The following XKR9 variants were observed in gnomAD, a reference collection of about 807,000 sequenced individuals.
The protein encoded by XKR9 is XK-related protein 9.
A neutral mutation model predicts 32.0 loss-of-function variants in XKR9; 32 were observed. That is an observed-to-expected ratio of 1.00 (90% CI 0.76 to 1.34). The LOEUF is 1.34. XKR9 is among the 40% of genes most tolerant of loss of function. XKR9 has a pLI of 0.00. For missense variants in XKR9, 546 were observed against 429.7 expected (o/e 1.27, Z -2.39); for synonymous variants, 168 against 143.4 (o/e 1.17, Z -1.22).
chr8:70,752,326 A>G (rs1315826179), intron 2 of XKR9, among the ~76,000 whole-genome samples: 1 of 152,218 alleles, frequency 6.6e-6, no homozygotes, highest in African/African-American at 2.4e-5. Context: ...TTTGTAAAGG[A>G]AAGAGGTTTA....
At chr8:70,709,905 C>T (rs1554548277) in intron 4 of XKR9, among the ~76,000 whole-genome samples, 1 of 151,562 alleles carries the variant, frequency 6.6e-6, no homozygotes, top group Non-Finnish European at 1.5e-5. Context: ...AGTGCTGTTC[C>T]TATCAAATTA....
At chr8:71,018,803 A>C in the XKR9 span, among the ~76,000 whole-genome samples, 1 of 152,222 alleles carries the variant, frequency 6.6e-6, no homozygotes, top group Non-Finnish European at 1.5e-5. Context: ...AATACAAACT[A>C]GCCTTTTTAT....
the XKR9 span, among the ~76,000 whole-genome samples, chr8:70,885,419 C>T: frequency 6.6e-6 from 1 of 152,032 alleles, no homozygotes; most frequent in Non-Finnish European, 1.5e-5. Flanking sequence ...TAAAATTTTA[C>T]TTTAAGTTCT....
chr8:70,996,988 A>G, the XKR9 span, among the ~76,000 whole-genome samples: 1 of 152,330 alleles, frequency 6.6e-6, no homozygotes, highest in East Asian at 1.9e-4. Context: ...ATACTTTGGT[A>G]TGATTATCCA....
chr8:70,875,186 A>G, the XKR9 span, among the ~76,000 whole-genome samples: 98 of 152,164 alleles, frequency 6.4e-4, no homozygotes, highest in African/African-American at 2.3e-3. Context: ...TCGTGTACAC[A>G]TTTTCCCCTA....
chr8:70,710,762 CAAAAA>C (rs367840561), intron 4 of XKR9, among the ~76,000 whole-genome samples: 1 of 150,066 alleles, frequency 6.7e-6, no homozygotes, highest in African/African-American at 2.4e-5. Flanking sequence ...GCAATTGCAA[CAAAAA>C]AAAAGTTGAC....
At chr8:71,016,740 G>A in the XKR9 span, among the ~76,000 whole-genome samples, 1 of 152,110 alleles carries the variant, frequency 6.6e-6, no homozygotes, top group Non-Finnish European at 1.5e-5. Context: ...TCCACCAGTA[G>A]TAATAAATTT....
chr8:70,880,447 C>G, the XKR9 span, among the ~76,000 whole-genome samples: 1 of 152,106 alleles, frequency 6.6e-6, no homozygotes, highest in Non-Finnish European at 1.5e-5. Context: ...AATCAATGTG[C>G]AAAAATCACA....
At chr8:70,907,630 T>C in the XKR9 span, among the ~76,000 whole-genome samples, 2 of 152,210 alleles carry the variant, frequency 1.3e-5, no homozygotes, top group South Asian at 2.1e-4. Context: ...CAGTAAGAAA[T>C]GGTTAACTGT....
the XKR9 span, among the ~76,000 whole-genome samples, chr8:70,958,931 G>GTA: frequency 9.2e-4 from 137 of 149,602 alleles, no homozygotes; most frequent in African/African-American, 1.4e-3. Context: ...TAATTTGTGT[G>GTA]TATATATATA....
chr8:70,918,767 C>CTTTTTT, the XKR9 span, among the ~76,000 whole-genome samples: 1 of 87,812 alleles, frequency 1.1e-5, no homozygotes. Context: ...ATCATGGGAT[C>CTTTTTT]CTTTTTTTTT....
intron 3 of XKR9, among the ~76,000 whole-genome samples, chr8:70,691,905 T>C (rs1805083708): frequency 6.6e-6 from 1 of 152,190 alleles, no homozygotes; most frequent in Admixed American, 6.5e-5. Flanking sequence ...GGCTCTTTTT[T>C]TGGTTCCATA....
chr8:70,899,128 G>C, the XKR9 span, among the ~76,000 whole-genome samples: 480 of 151,958 alleles, frequency 3.2e-3, 1 homozygote, highest in African/African-American at 0.011. Flanking sequence ...TGTTGCTCAG[G>C]CTATGTATCA....
rs1037821381 is a variant in XKR9, at chr8:70,785,735, C to T, written n.353-3604C>T. Among the ~76,000 whole-genome samples, 34 of 113,122 alleles carry T rather than the reference C, an allele frequency of 3.0e-4. 1 individual carries two copies. The highest frequency in any genetic ancestry group is 2.7e-3 in the Admixed American group (32 of 11,776). 74.2% of individuals were successfully genotyped at this position (113,122 alleles called of 152,430 possible). ...TTTTTTTTGCTCTCTCTCTCTCTCT[C>T]TCTCTATATATATATATATATGTAT... On this transcript the variant is annotated intron_variant and non_coding_transcript_variant, in intron 2 of 3. Coordinates refer to the XKR9 transcript ENST00000520273.
chr8:70,769,766 A>T (rs886335876), intron 2 of XKR9, among the ~76,000 whole-genome samples: 1 of 151,658 alleles, frequency 6.6e-6, no homozygotes, highest in East Asian at 1.9e-4. Context: ...CAAAGTTCTC[A>T]TGCTGTGTTT....
At chr8:71,021,527 G>C in the XKR9 span, among the ~76,000 whole-genome samples, 1 of 137,146 alleles carries the variant, frequency 7.3e-6, no homozygotes, top group African/African-American at 2.8e-5. Flanking sequence ...TTTTGAGACG[G>C]AGTTTCGCTC....
chr8:70,995,663 T>C, the XKR9 span, among the ~76,000 whole-genome samples: 4 of 152,198 alleles, frequency 2.6e-5, no homozygotes, highest in African/African-American at 9.6e-5. Flanking sequence ...TCTTTGAATA[T>C]GCCTACTTCT....
chr8:71,047,084 C>A, the XKR9 span, among the ~76,000 whole-genome samples: 1 of 152,128 alleles, frequency 6.6e-6, no homozygotes, highest in Non-Finnish European at 1.5e-5. Flanking sequence ...TTGTTCTTGA[C>A]GTTGTTAGAT....
chr8:70,949,200 C>A, the XKR9 span, among the ~76,000 whole-genome samples: 3 of 152,080 alleles, frequency 2.0e-5, no homozygotes, highest in Non-Finnish European at 4.4e-5. Context: ...TTTGACATCT[C>A]TTTTTAATGT....
Sources: allele counts gnomAD v4.1 joint callset (sites outside exome capture counted in the v4.1 genomes callset), GRCh38; gene constraint gnomAD v4.1.1; transcripts MANE v1.5; gene names NCBI Gene and HGNC (gene_info 2026-07-23, HGNC 2026-07-21).